The following USP10 variants were observed in gnomAD, a reference collection of about 807,000 sequenced individuals.
USP10 encodes the protein ubiquitin carboxyl-terminal hydrolase 10.
In USP10, 22 loss-of-function variants were observed where a neutral mutation model predicts 84.5. The ratio of observed to expected loss-of-function variants is 0.26; its 90% CI spans 0.19 to 0.37. The LOEUF (loss-of-function observed/expected upper bound fraction) is 0.37. Among genes scored for constraint, USP10 ranks in the 10% least tolerant of loss-of-function variants. The probability of loss-of-function intolerance (pLI) is 1.00; values close to 1 mark genes in which losing one functional copy is unlikely to be tolerated. For missense variants in USP10, 1,019 were observed against 998.9 expected, an observed-to-expected ratio of 1.02 and a Z score of -0.27; for synonymous variants, 454 against 387.6, an observed-to-expected ratio of 1.17 and a Z score of -2.01.
intron 2 of USP10, among the ~76,000 whole-genome samples, chr16:84,739,110 G>A (rs553248431): frequency 6.6e-6 from 1 of 151,064 alleles, no homozygotes; most frequent in Non-Finnish European, 1.5e-5. Context: ...CCAGGCTGGA[G>A]TGCAGTGGCA....
intron 1 of USP10, chr16:84,704,887 T>A: frequency 1.3e-6 from 2 of 1,535,692 alleles, no homozygotes; most frequent in Non-Finnish European, 1.7e-6. Context: ...GAAATGTGGT[T>A]TGGGGCTGTT....
At position 84,706,019 on chromosome 16, in the gene USP10, G is replaced by C. The variant is rs188880406; in HGVS notation, c.21+5908G>C. ...TTACAGGCATGAGCCACTGCCCCCA[G>C]CATCCCTACTCATTCTTTGAAAAAA... On this transcript the variant is annotated intron_variant, in intron 1 of 13. Transcript: ENST00000219473. 1.5e-3 allele frequency among the ~76,000 whole-genome samples: 228 copies of C among 152,198 alleles called. 1 individual carries two copies. The highest frequency in any genetic ancestry group is 4.5e-3 in the African/African-American group (188 of 41,514).
rs767287190 is a variant in USP10, at chr16:84,744,690, C to T, written c.209C>T (p.Thr70Ile). 2.5e-6 allele frequency: 4 copies of T among 1,613,482 alleles called. No individual in the cohort carries two copies. The African/African-American group carries it at 5.3e-5, about 22-fold the overall frequency. Residue 70 changes from threonine to isoleucine, a missense_variant, in exon 4 of 14, where the codon ACT (threonine) becomes ATT (isoleucine). Physicochemically the swap from Thr to Ile is moderately conservative, Grantham distance 89 (BLOSUM62 -1). Around this residue, in one of 2 missense-constraint regions of USP10, gnomAD observed 787 missense variants for 708.8 expected, o/e 1.11. Coordinates refer to ENST00000219473, the MANE Select transcript of USP10 (RefSeq NM_005153.3). Reference protein sequence around the residue: ...GVDEVIEPSDTLPRTPSYSIS... With the variant: ...GVDEVIEPSDILPRTPSYSIS... ...GATGAAGTCATTGAACCCAGTGACA[C>T]TTTGCCGAGAACCCCCAGCTACAGT...
intron 4 of USP10, among the ~76,000 whole-genome samples, chr16:84,752,660 T>A (rs1912069235): frequency 6.6e-6 from 1 of 152,340 alleles, no homozygotes; most frequent in South Asian, 2.1e-4. Context: ...AACAATAGGA[T>A]TCATTCACTT....
chr16:84,764,937 A>AC, intron 10 of USP10, among the ~76,000 whole-genome samples: 1 of 76,918 alleles, frequency 1.3e-5, no homozygotes, highest in Admixed American at 1.4e-4. Flanking sequence ...GAGAGAAAAA[A>AC]AAATATATAT....
At chr16:84,714,929 A>AT (rs1168258839) in intron 1 of USP10, among the ~76,000 whole-genome samples, 30 of 148,414 alleles carry the variant, frequency 2.0e-4, no homozygotes, top group African/African-American at 3.0e-4. Flanking sequence ...TATTATTATT[A>AT]TTATTATTTT....
chr16:84,778,491 ATC>A (rs1174648628), intron 13 of USP10, among the ~76,000 whole-genome samples: 1 of 152,174 alleles, frequency 6.6e-6, no homozygotes, highest in African/African-American at 2.4e-5. Flanking sequence ...TGACATCATA[ATC>A]TCTGTCCAAG....
Position 84,759,430 on chromosome 16 carries a change from A to T in USP10, c.1352A>T (p.Lys451Ile). The T allele has an allele frequency of 6.2e-7, 1 of 1,613,990 alleles. No individual in the cohort carries two copies. The highest frequency in any genetic ancestry group is 8.5e-7 in the Non-Finnish European group (1 of 1,179,888). ...HLMKFIPLYS[K>I]VQRPCTSTPM... ...ATGAAGTTCATTCCTCTGTATTCCA[A>T]AGTGCAAAGGCCTTGTACGTCAACA... The change falls in exon 6 of 14, where the codon AAA becomes ATA. Residue 451 changes from lysine (K) to isoleucine (I), a missense_variant. Lys to Ile is a moderately radical substitution (Grantham distance 102). This residue lies in a region of USP10 where 787 missense variants were observed against 708.8 expected (regional missense o/e 1.11). Transcript: ENST00000219473.
intron 10 of USP10, among the ~76,000 whole-genome samples, chr16:84,764,939 A>AAAAAAT (rs370383030): frequency 5.7e-4 from 75 of 132,266 alleles, no homozygotes; most frequent in African/African-American, 1.9e-3. Flanking sequence ...GAGAAAAAAA[A>AAAAAAT]ATATATATAT....
intron 4 of USP10, among the ~76,000 whole-genome samples, chr16:84,747,770 C>G (rs919881037): frequency 6.6e-6 from 1 of 151,776 alleles, no homozygotes; most frequent in African/African-American, 2.4e-5. Flanking sequence ...TTTCACCATG[C>G]TGCCCAGGCT....
At chr16:84,711,482 A>G (rs1396385473) in intron 1 of USP10, among the ~76,000 whole-genome samples, 2 of 152,272 alleles carry the variant, frequency 1.3e-5, no homozygotes, top group East Asian at 1.9e-4. Context: ...GCATTAAGCC[A>G]ATTTACCATC....
chr16:84,720,258 G>T (rs1401888785), intron 1 of USP10, among the ~76,000 whole-genome samples: 1 of 152,168 alleles, frequency 6.6e-6, no homozygotes, highest in African/African-American at 2.4e-5. Flanking sequence ...TTCCTGGCGG[G>T]TGGCCTCCAG....
intron 2 of USP10, among the ~76,000 whole-genome samples, chr16:84,734,424 T>C (rs893554502): frequency 2.0e-5 from 3 of 152,224 alleles, no homozygotes; most frequent in Non-Finnish European, 4.4e-5. Context: ...AATACGGATG[T>C]CCTCTGCTGT....
intron 2 of USP10, among the ~76,000 whole-genome samples, chr16:84,736,407 C>T (rs1004801937): frequency 6.6e-6 from 1 of 152,206 alleles, no homozygotes; most frequent in Non-Finnish European, 1.5e-5. Context: ...GCTTGCTTGG[C>T]AGCTTGCCAC....
intron 4 of USP10, among the ~76,000 whole-genome samples, chr16:84,750,691 A>G (rs1418197611): frequency 6.6e-6 from 1 of 152,190 alleles, no homozygotes; most frequent in Non-Finnish European, 1.5e-5. Context: ...GCCATTTTGT[A>G]TTTGATGTTT....
In USP10 at chr16:84,763,929, C is replaced by T. The variant is rs555250130; in HGVS notation, c.1655-157C>T. Reference sequence around the variant, plus strand: ...GTGCCTGTTGCGATTGGCCGTGGATCCAGTGACGTTGCTCCTGTTGCGATT... The same window carrying T: ...GTGCCTGTTGCGATTGGCCGTGGATTCAGTGACGTTGCTCCTGTTGCGATT... On this transcript the variant is annotated intron_variant, in intron 9 of 13. Coordinates refer to ENST00000219473, the MANE Select transcript of USP10 (RefSeq NM_005153.3). Among the ~76,000 whole-genome samples, 3 of 152,326 alleles carry T rather than the reference C, an allele frequency of 2.0e-5. No homozygotes were observed. In the South Asian group the frequency reaches 6.2e-4, roughly 32 times the overall value.
At chr16:84,769,187 A>G (rs1410019463) in intron 11 of USP10, among the ~76,000 whole-genome samples, 2 of 152,226 alleles carry the variant, frequency 1.3e-5, no homozygotes, top group East Asian at 3.8e-4. Context: ...TGGCAGCTAC[A>G]AGGTAAAATA....
intron 13 of USP10, among the ~76,000 whole-genome samples, chr16:84,775,942 T>C (rs116072959): frequency 0.018 from 2,741 of 152,252 alleles, 88 homozygotes; most frequent in African/African-American, 0.062. Flanking sequence ...TGCCGCACTT[T>C]TGTTTGCTTC....
chr16:84,751,216 C>G (rs1305022442), intron 4 of USP10, among the ~76,000 whole-genome samples: 4 of 152,154 alleles, frequency 2.6e-5, no homozygotes, highest in Non-Finnish European at 5.9e-5. Flanking sequence ...GCATATGGCC[C>G]AGGTGTGTAG....
Sources: gnomAD v4.1 joint callset for allele counts (sites outside exome capture counted in the v4.1 genomes callset) on GRCh38, gnomAD v4.1.1 for gene constraint, gnomAD v4.1.1 regional missense constraint, MANE v1.5 for transcripts, NCBI Gene and HGNC (gene_info 2026-07-23, HGNC 2026-07-21) for gene names.